Variants in TIMP2 observed in about 807,000 individuals in gnomAD.
TIMP2 encodes metalloproteinase inhibitor 2.
A neutral mutation model predicts 24.3 loss-of-function variants in TIMP2; 5 were observed. The observed-to-expected ratio is 0.21, with a 90% confidence interval of 0.11 to 0.43. The LOEUF is 0.43. Ranked by LOEUF, TIMP2 falls within the 20% of genes least tolerant of loss-of-function variation. The probability of loss-of-function intolerance (pLI) is 1.00; values close to 1 mark genes in which losing one functional copy is unlikely to be tolerated. For missense variants in TIMP2, 221 were observed against 297.5 expected (o/e 0.74, Z 1.89); for synonymous variants, 130 against 123.2 (o/e 1.06, Z -0.37).
Position 78,905,343 on chromosome 17 carries a change from A to G in TIMP2, c.130+19616T>C, listed in dbSNP as rs146577035. ...CAGATTCCAGGACCTCCCAGCCTTC[A>G]TACTTGCATGAGTCAATTCCCACAT... On this transcript the variant is annotated intron_variant, in intron 1 of 4. Coordinates refer to ENST00000262768, the MANE Select transcript of TIMP2 (RefSeq NM_003255.5). 4.0e-3 allele frequency among the ~76,000 whole-genome samples: 604 copies of G among 152,328 alleles called. 3 individuals are homozygous for G. Among genetic ancestry groups the G allele is most frequent in the African/African-American group, 0.014 (585 of 41,570 alleles).
chr17:78,906,237 G>A (rs148355118), intron 1 of TIMP2, among the ~76,000 whole-genome samples: 188 of 152,168 alleles, frequency 1.2e-3, no homozygotes, highest in Non-Finnish European at 2.1e-3. Context: ...GCATAGTGGT[G>A]CGTACCTGCA....
At chr17:78,897,012 TCAGA>T (rs2070012008) in intron 1 of TIMP2, 2 of 985,152 alleles carry the variant, frequency 2.0e-6, no homozygotes, top group South Asian at 9.4e-5. Context: ...GGGCGGCCGC[TCAGA>T]CAGCTTTTCA....
Position 78,923,834 on chromosome 17 carries a change from T to C in TIMP2, c.130+1125A>G, listed in dbSNP as rs576983395. Among the ~76,000 whole-genome samples the C allele has an allele frequency of 1.1e-4, 16 of 151,756 alleles. No individual in the cohort carries two copies. In the South Asian group the frequency reaches 3.1e-3, roughly 30 times the overall value. On this transcript the variant is annotated intron_variant, in intron 1 of 4. Transcript: ENST00000262768. ...GTGGGGCAAGAAGCCGTGGGCGGGG[T>C]ATGGGAAGGGCGTGGCTGACAGCAG...
intron 1 of TIMP2, chr17:78,892,631 G>A (rs2069919247): frequency 8.1e-6 from 8 of 985,040 alleles, no homozygotes; most frequent in Non-Finnish European, 1.2e-5. Flanking sequence ...CCCAATTTCT[G>A]TCCTGTACAC....
At chr17:78,917,906 C>T (rs2070273348) in intron 1 of TIMP2, among the ~76,000 whole-genome samples, 1 of 152,120 alleles carries the variant, frequency 6.6e-6, no homozygotes, top group South Asian at 2.1e-4. Context: ...TCGCTCAGCT[C>T]CGAGACTAGG....
intron 1 of TIMP2, among the ~76,000 whole-genome samples, chr17:78,918,113 GT>G (rs1028162677): frequency 2.8e-5 from 4 of 144,252 alleles, no homozygotes; most frequent in African/African-American, 7.8e-5. Context: ...TTCACTTACA[GT>G]TTCCGGGCTT....
chr17:78,918,080 A>ACACACTCT, intron 1 of TIMP2, among the ~76,000 whole-genome samples: 1 of 150,848 alleles, frequency 6.6e-6, no homozygotes, highest in East Asian at 2.0e-4. Context: ...ACACACACAC[A>ACACACTCT]CACACACACA....
At chr17:78,858,028 C>T (rs1290660488) in intron 3 of TIMP2, among the ~76,000 whole-genome samples, 4 of 151,624 alleles carry the variant, frequency 2.6e-5, no homozygotes, top group African/African-American at 4.9e-5. Flanking sequence ...GCCGAGATCG[C>T]GCCACTGAAC....
At chr17:78,874,637 G>C (rs1351364965) in intron 1 of TIMP2, among the ~76,000 whole-genome samples, 1 of 152,142 alleles carries the variant, frequency 6.6e-6, no homozygotes, top group Non-Finnish European at 1.5e-5. Context: ...GAGTGCAGTG[G>C]CACCGTTTTG....
In TIMP2 at chr17:78,920,337, C is replaced by T. The variant is rs890011537; in HGVS notation, c.130+4622G>A. ...GCTCACAAACGACAGGCCAGGACTG[C>T]GTACGTGGCTCTGCACCCCCAGAAG... On this transcript the variant is annotated intron_variant, in intron 1 of 4. Coordinates refer to ENST00000262768, the MANE Select transcript of TIMP2 (RefSeq NM_003255.5). The surrounding 1 kb of genome is among the most constrained non-coding windows in gnomAD (Gnocchi z 4.5). Among the ~76,000 whole-genome samples the T allele has an allele frequency of 1.1e-4, 16 of 152,212 alleles. No homozygotes were observed. The highest frequency in any genetic ancestry group is 1.9e-4 in the East Asian group (1 of 5,200).
In TIMP2 at chr17:78,853,850, CAG is replaced by C. The variant is rs1567989114; in HGVS notation, c.*1815_*1816del. ...ATGATATCACCATACAGGAAGCGAA[CAG>C]GGGTGGGGTGTTATATGGGTTGGAG... On this transcript the variant is annotated 3_prime_UTR_variant, in exon 5 of 5. Coordinates refer to ENST00000262768, the MANE Select transcript of TIMP2 (RefSeq NM_003255.5). 1 of 152,314 alleles carries C rather than the reference CAG, an allele frequency of 6.6e-6. No homozygotes were observed. Among genetic ancestry groups the C allele is most frequent in the African/African-American group, 2.4e-5 (1 of 41,342 alleles). 9.4% of individuals were successfully genotyped at this position (152,314 alleles called of 1,614,324 possible). A position where few individuals can be genotyped will look rare whatever the true frequency, so the allele number is the denominator to read the frequency against.
At position 78,857,617 on chromosome 17, in the gene TIMP2, T is replaced by C. The variant is rs1193724527; in HGVS notation, c.370A>G (p.Ile124Val). The change falls in exon 4 of 5, where the codon ATC becomes GTC. Residue 124 changes from isoleucine (I) to valine (V), a missense_variant. Transcript: ENST00000262768. ...GGCACGATGAAGTCACAGAGGGTGA[T>C]GTGCATCTTGCCGTCCCCCTCGGCC... ...GKAEGDGKMH[I>V]TLCDFIVPWD... is the part of the protein sequence containing the mutation. The C allele has an allele frequency of 6.2e-7, 1 of 1,614,146 alleles. No homozygotes were observed. Among genetic ancestry groups the C allele is most frequent in the Non-Finnish European group, 8.5e-7 (1 of 1,180,020 alleles).
chr17:78,877,158 C>G (rs1318150311), intron 1 of TIMP2, among the ~76,000 whole-genome samples: 2 of 152,354 alleles, frequency 1.3e-5, no homozygotes, highest in East Asian at 1.9e-4. Context: ...GTCCTTGGCT[C>G]TCTTGCTCCC....
intron 1 of TIMP2, among the ~76,000 whole-genome samples, chr17:78,883,136 A>G (rs1372470338): frequency 2.0e-5 from 3 of 151,976 alleles, no homozygotes; most frequent in African/African-American, 7.3e-5. Context: ...AGGTCCTCCA[A>G]CCTCCTCGGC....
chr17:78,921,460 G>T (rs2070308020), intron 1 of TIMP2, among the ~76,000 whole-genome samples: 1 of 152,172 alleles, frequency 6.6e-6, no homozygotes, highest in Non-Finnish European at 1.5e-5. Flanking sequence ...GAGAGCTCCT[G>T]GCTTTACCCT....
chr17:78,923,512 T>C (rs1033022799), intron 1 of TIMP2, among the ~76,000 whole-genome samples: 6 of 151,872 alleles, frequency 4.0e-5, no homozygotes, highest in Non-Finnish European at 4.4e-5. Context: ...CCCCAGCACG[T>C]GCTGGTGAGC....
rs566339376 is a variant in TIMP2 at position 78,924,674 on chromosome 17, G to T, written c.130+285C>A. ...TCCCAGGGCGCGCCGCCTGCCAAAA[G>T]CCAAACTGGCTCCCTTTCCTGGGGC... is the stretch of plus-strand genomic sequence containing the variant. On this transcript the variant is annotated intron_variant, in intron 1 of 4. Coordinates refer to ENST00000262768, the MANE Select transcript of TIMP2 (RefSeq NM_003255.5). This position sits in a 1 kb window ranked among gnomAD's most constrained non-coding sequence, Gnocchi z 5.3. Among the ~76,000 whole-genome samples, 2 of 152,214 alleles carry T rather than the reference G, an allele frequency of 1.3e-5. No homozygotes were observed. The highest frequency in any genetic ancestry group is 3.9e-4 in the East Asian group (2 of 5,170).
chr17:78,866,675 C>T (rs903630528), intron 3 of TIMP2, among the ~76,000 whole-genome samples: 5 of 152,044 alleles, frequency 3.3e-5, no homozygotes, highest in Non-Finnish European at 5.9e-5. Context: ...ATAAACAAAA[C>T]GTGGTCTATC....
intron 1 of TIMP2, among the ~76,000 whole-genome samples, chr17:78,874,709 C>T (rs1417242942): frequency 6.6e-6 from 1 of 151,284 alleles, no homozygotes; most frequent in Non-Finnish European, 1.5e-5. Context: ...TCTCAAGTAG[C>T]TGGGATTACA....
Sources: allele counts gnomAD v4.1 joint callset (sites outside exome capture counted in the v4.1 genomes callset), GRCh38; gene constraint gnomAD v4.1.1; non-coding constraint Gnocchi (gnomAD v3.1); transcripts MANE v1.5; gene names NCBI Gene and HGNC (gene_info 2026-07-23, HGNC 2026-07-21).